The following BEND2 variants were observed in gnomAD, a reference collection of about 807,000 sequenced individuals.
BEND2 encodes BEN domain-containing protein 2.
BEND2 carries 19 observed loss-of-function variants against 43.8 expected under a neutral mutation model. The observed-to-expected ratio is 0.43, with a 90% confidence interval of 0.30 to 0.64. The LOEUF is 0.64. BEND2 is among the 30% of genes least tolerant of loss of function. The probability of loss-of-function intolerance (pLI) is 0.11; values close to 1 mark genes in which losing one functional copy is unlikely to be tolerated. For missense variants in BEND2, 544 were observed against 574.0 expected (o/e 0.95, Z 0.53); for synonymous variants, 226 against 210.1 (o/e 1.08, Z -0.66).
At chrX:18,170,113 G>A (rs1365002424) in intron 13 of BEND2, among the ~76,000 whole-genome samples, 1 of 111,657 alleles carries the variant, frequency 9.0e-6, no homozygotes, top group Non-Finnish European at 1.9e-5. Context: ...CAAGTTGCAA[G>A]TTGTAACCAA....
rs370262190 is a variant in BEND2 at position 18,220,718 on chromosome X, C to T, written c.25+8G>A. 8.4e-5 allele frequency: 102 copies of T among 1,209,141 alleles called. No homozygotes were observed. The African/African-American group carries it at 1.6e-3, about 19-fold the overall frequency. On this transcript the variant is annotated splice_region_variant and intron_variant, in intron 1 of 13. Transcript: ENST00000380033. ...GCTAGCGGGCCAGTTGAGGCGAGGT[C>T]ACTTTACCCTGTTCCTGGGTCCTCT...
intron 4 of BEND2, among the ~76,000 whole-genome samples, chrX:18,212,295 C>T (rs1337992742): frequency 1.8e-5 from 2 of 109,631 alleles, no homozygotes; most frequent in Admixed American, 9.8e-5. Flanking sequence ...GATGGGGTTT[C>T]ACCACGTTGG....
At chrX:18,189,753 G>A (rs1313200917) in intron 8 of BEND2, among the ~76,000 whole-genome samples, 2 of 111,355 alleles carry the variant, frequency 1.8e-5, no homozygotes, top group South Asian at 3.8e-4. Flanking sequence ...ACATCATTTC[G>A]AAAGGCCAAT....
chrX:18,175,873 C>T, intron 11 of BEND2, 99 bp downstream of exon 11: 1 of 800,629 alleles, frequency 1.2e-6, no homozygotes, highest in Non-Finnish European at 1.7e-6. Flanking sequence ...AATTTTAGCA[C>T]ATGGCCTAAA....
intron 1 of BEND2, among the ~76,000 whole-genome samples, chrX:18,218,985 A>G (rs1925758730): frequency 8.9e-6 from 1 of 112,424 alleles, no homozygotes. Flanking sequence ...AGTTCTGAAA[A>G]CGGCTTTTCA....
chrX:18,184,174 T>G (rs1246144663), intron 8 of BEND2, among the ~76,000 whole-genome samples: 1 of 111,318 alleles, frequency 9.0e-6, no homozygotes, highest in Non-Finnish European at 1.9e-5. Flanking sequence ...CAGAGACTCC[T>G]TTGTTTGGGG....
Position 18,213,832 on chromosome X carries a change from T to C in BEND2, c.318A>G (p.Gln106=), listed in dbSNP as rs909343715. 2.4e-5 allele frequency: 4 copies of C among 169,212 alleles called. No homozygotes were observed. Among genetic ancestry groups the C allele is most frequent in the African/African-American group, 6.3e-5 (2 of 31,877 alleles). The allele number at this position is 169,212 out of a possible 1,213,427, so 13.9% of individuals were successfully genotyped here. A position where few individuals can be genotyped will look rare whatever the true frequency, so the allele number is the denominator to read the frequency against. Residue 106 remains glutamine (Q), a synonymous_variant, in exon 3 of 14, where the codon CAA becomes CAG. Coordinates refer to ENST00000380033, the MANE Select transcript of BEND2 (RefSeq NM_153346.5). ...TACTGGGAAGGCTGAGGTGGAAGAA[T>C]TGCTTGAGTCCAAGAGGTTGAGGCT... The part of the protein sequence containing the change: ...SLQPQPLGLK[Q]FFHLSLPSSW...
intron 1 of BEND2, among the ~76,000 whole-genome samples, chrX:18,218,376 T>C (rs1157122249): frequency 9.0e-6 from 1 of 111,597 alleles, no homozygotes; most frequent in Non-Finnish European, 1.9e-5. Flanking sequence ...CAGAAGAAAA[T>C]AACCAAGGCA....
chrX:18,189,095 G>C lies in BEND2; in HGVS notation c.1288+1906C>G, dbSNP rs148432202. On this transcript the variant is annotated intron_variant, in intron 8 of 13. Transcript: ENST00000380033. ...CATGCCTGTAGTCCCAGCTACTCAG[G>C]AGGCTGAGGTAGAAGAATTACCTGA... Among the ~76,000 whole-genome samples, 440 of 109,063 alleles carry C rather than the reference G, an allele frequency of 4.0e-3. 5 individuals are homozygous for C. Among genetic ancestry groups the C allele is most frequent in the African/African-American group, 0.014 (417 of 29,811 alleles). The allele number at this position is 109,063 out of a possible 115,157, so 94.7% of individuals were successfully genotyped here. A position where few individuals can be genotyped will look rare whatever the true frequency, so the allele number is the denominator to read the frequency against.
At position 18,203,756 on chromosome X, in the gene BEND2, G is replaced by T. The variant is rs1342208606; in HGVS notation, c.652C>A (p.Gln218Lys). 3 of 1,211,623 alleles carry T rather than the reference G, an allele frequency of 2.5e-6. No individual in the cohort carries two copies. Among genetic ancestry groups the T allele is most frequent in the Non-Finnish European group, 1.1e-6 (1 of 895,238 alleles). Residue 218 changes from glutamine (Q) to lysine (K), a missense_variant, in exon 5 of 14, where the codon CAG (glutamine) becomes AAG (lysine). Physicochemically the swap from Gln to Lys is moderately conservative, Grantham distance 53. Around this residue, in one of 2 missense-constraint regions of BEND2, gnomAD observed 501 missense variants for 501.6 expected, o/e 1.00. Transcript: ENST00000380033. ...GAGCCACCTTGTGCGACATACTGCT[G>T]TAATGAACTTGAGGAGACAATTCTG... The part of the protein sequence containing the change: ...YPRIVSSSSL[Q>K]QYVAQGGSFP...
chrX:18,182,588 T>C (rs1028449500), intron 8 of BEND2, among the ~76,000 whole-genome samples: 3 of 110,836 alleles, frequency 2.7e-5, no homozygotes, highest in African/African-American at 9.9e-5. Context: ...AATAAAAGGG[T>C]TAACCCCCAG....
At position 18,174,234 on chromosome X, in the gene BEND2, G is replaced by A. The variant is rs1924069576; in HGVS notation, c.1777C>T (p.Arg593Cys). The part of the protein sequence containing the change: ...TPKTVRKNKK[R>C]TNRVASASAD... ...GATGCCGATGCAACACGGTTGGTAC[G>A]TTTTTTATTTTTGCGAACAGTTTTC... The change falls in exon 12 of 14, where the codon CGT becomes TGT. Residue 593 changes from arginine to cysteine, a missense_variant. Physicochemically the swap from Arg to Cys is radical, Grantham distance 180. Around this residue, in one of 2 missense-constraint regions of BEND2, gnomAD observed 501 missense variants for 501.6 expected, o/e 1.00. Transcript: ENST00000380033. The A allele has an allele frequency of 8.3e-7, 1 of 1,210,406 alleles. No homozygotes were observed. Among genetic ancestry groups the A allele is most frequent in the Non-Finnish European group, 1.1e-6 (1 of 894,920 alleles).
At chrX:18,207,816 C>T (rs1925384674) in intron 4 of BEND2, among the ~76,000 whole-genome samples, 1 of 110,522 alleles carries the variant, frequency 9.0e-6, no homozygotes, top group Admixed American at 9.6e-5. Flanking sequence ...GTCAGGAGTT[C>T]GAGGCCAGCC....
chrX:18,178,335 C>T (rs1340926873), intron 9 of BEND2, among the ~76,000 whole-genome samples: 14 of 111,105 alleles, frequency 1.3e-4, no homozygotes, highest in Non-Finnish European at 1.5e-4. Context: ...ATTACTCCCA[C>T]CCCATTATTC....
intron 4 of BEND2, among the ~76,000 whole-genome samples, chrX:18,209,669 T>A (rs1302610860): frequency 9.0e-6 from 1 of 110,656 alleles, no homozygotes; most frequent in Non-Finnish European, 1.9e-5. Context: ...TGAGCAGTGG[T>A]CATCAATAGT....
At chrX:18,178,786 T>G (rs1351999977) in intron 9 of BEND2, among the ~76,000 whole-genome samples, 1 of 111,153 alleles carries the variant, frequency 9.0e-6, no homozygotes, top group Non-Finnish European at 1.9e-5. Context: ...AAACTAGTAT[T>G]TAGGTTAGGA....
rs960032868 is a variant in BEND2, at chrX:18,164,004, A to T, written c.*1005T>A. 5 of 111,099 alleles carry T rather than the reference A, an allele frequency of 4.5e-5. No individual in the cohort carries two copies. The highest frequency in any genetic ancestry group is 1.6e-4 in the African/African-American group (5 of 30,563). The allele number at this position is 111,099 out of a possible 1,213,427, so 9.2% of individuals were successfully genotyped here. A position where few individuals can be genotyped will look rare whatever the true frequency, so the allele number is the denominator to read the frequency against. On this transcript the variant is annotated 3_prime_UTR_variant, in exon 14 of 14. Transcript: ENST00000380033. Reference sequence around the variant, plus strand: ...TATGGAAGATTTTTTTTTATGCAAGATTTTTTTAATTATCTACTTCTTTTT... The same window carrying T: ...TATGGAAGATTTTTTTTTATGCAAGTTTTTTTTAATTATCTACTTCTTTTT...
At chrX:18,191,931 T>C (rs1329807244) in intron 7 of BEND2, among the ~76,000 whole-genome samples, 1 of 112,284 alleles carries the variant, frequency 8.9e-6, no homozygotes, top group African/African-American at 3.2e-5. Context: ...CACATATTTC[T>C]CTGTATTATT....
chrX:18,205,352 T>C (rs757143440), intron 4 of BEND2, among the ~76,000 whole-genome samples: 2 of 108,240 alleles, frequency 1.8e-5, no homozygotes, highest in East Asian at 5.8e-4. Context: ...TCACTTGAGC[T>C]CAGAAGTTCG....
Sources: allele counts gnomAD v4.1 joint callset (sites outside exome capture counted in the v4.1 genomes callset), GRCh38; gene constraint gnomAD v4.1.1; regional missense constraint gnomAD v4.1.1; transcripts MANE v1.5; gene names NCBI Gene and HGNC (gene_info 2026-07-23, HGNC 2026-07-21).